SLC9D1: variants seen among roughly 807,000 people sequenced by gnomAD.
SLC9D1 encodes the protein putative LAG1-interacting protein.
chr13:113,523,050 T>G, the SLC9D1 span, among the ~76,000 whole-genome samples: 18 of 152,176 alleles, frequency 1.2e-4, no homozygotes. Flanking sequence ...CATTGCTGCC[T>G]TCAGTTTGCT....
chr13:113,540,081 A>G, the SLC9D1 span, among the ~76,000 whole-genome samples: 2 of 152,112 alleles, frequency 1.3e-5, no homozygotes, highest in Non-Finnish European at 2.9e-5. Context: ...ACATTCCCTG[A>G]TGTATATGTA....
the SLC9D1 span, among the ~76,000 whole-genome samples, chr13:113,494,804 G>A: frequency 5.7e-3 from 869 of 152,230 alleles, 11 homozygotes; most frequent in African/African-American, 0.02. Flanking sequence ...GTGACGTTGA[G>A]CATGGTGTCC....
chr13:113,503,501 T>C, the SLC9D1 span: 1 of 1,610,644 alleles, frequency 6.2e-7, no homozygotes, highest in Non-Finnish European at 8.5e-7. Flanking sequence ...TTCAGTCTAT[T>C]GTGCAAGTGG....
chr13:113,507,633 A>G, the SLC9D1 span, among the ~76,000 whole-genome samples: 3 of 152,190 alleles, frequency 2.0e-5, no homozygotes, highest in African/African-American at 7.2e-5. Flanking sequence ...TCGCTCCTCT[A>G]GCCTGACTTC....
At chr13:113,501,940 T>C in the SLC9D1 span, 3 of 1,375,564 alleles carry the variant, frequency 2.2e-6, no homozygotes, top group Non-Finnish European at 2.1e-6. Flanking sequence ...AGAGAATTCA[T>C]GAAGACTAAA....
At chr13:113,513,513 TG>T in the SLC9D1 span, among the ~76,000 whole-genome samples, 12 of 152,162 alleles carry the variant, frequency 7.9e-5, no homozygotes, top group Non-Finnish European at 5.9e-5. Context: ...GAGGGTTGCA[TG>T]TTTGGGAGGT....
chr13:113,503,407 C>G, the SLC9D1 span: 1 of 847,516 alleles, frequency 1.2e-6, no homozygotes, highest in South Asian at 1.5e-5. Context: ...GATACTTCCA[C>G]CGGGCATACT....
At chr13:113,533,832 G>A in the SLC9D1 span, among the ~76,000 whole-genome samples, 1 of 152,214 alleles carries the variant, frequency 6.6e-6, no homozygotes, top group Non-Finnish European at 1.5e-5. Context: ...AGTATTGACT[G>A]CAAACCAATG....
At chr13:113,505,595 T>C in the SLC9D1 span, 1 of 152,178 alleles carries the variant, frequency 6.6e-6, no homozygotes, top group Admixed American at 6.6e-5. Flanking sequence ...ACCGCGGCAA[T>C]GTAAAAGAAG....
At chr13:113,502,049 C>T in the SLC9D1 span, among the ~76,000 whole-genome samples, 24 of 152,300 alleles carry the variant, frequency 1.6e-4, 1 homozygote, top group South Asian at 2.9e-3. Context: ...CTCAGGAAGT[C>T]GCTGTGCCTG....
At chr13:113,546,282 C>G in the SLC9D1 span, among the ~76,000 whole-genome samples, 1 of 151,622 alleles carries the variant, frequency 6.6e-6, no homozygotes, top group Non-Finnish European at 1.5e-5. This position sits in a 1 kb window ranked among gnomAD's most constrained non-coding sequence, Gnocchi z 7.1. Flanking sequence ...CAGCTGACAG[C>G]TGGGGAGAGA....
chr13:113,499,889 T>G, the SLC9D1 span: 2 of 904,532 alleles, frequency 2.2e-6, no homozygotes, highest in African/African-American at 1.7e-5. Flanking sequence ...TTCTTCTGTT[T>G]AGCGTTCATT....
the SLC9D1 span, chr13:113,520,594 T>C: frequency 6.3e-7 from 1 of 1,580,478 alleles, no homozygotes; most frequent in African/African-American, 1.3e-5. Context: ...TAGACCTGTC[T>C]TCAATGCCTT....
the SLC9D1 span, chr13:113,534,317 A>G: frequency 6.6e-6 from 8 of 1,215,036 alleles, no homozygotes; most frequent in Non-Finnish European, 9.5e-6. Context: ...TCCATTCTTT[A>G]CCTTTCCATT....
the SLC9D1 span, among the ~76,000 whole-genome samples, chr13:113,523,212 G>A: frequency 1.3e-5 from 2 of 151,838 alleles, no homozygotes; most frequent in African/African-American, 4.8e-5. Flanking sequence ...TTATTTTCTG[G>A]AAAACATTGT....
chr13:113,513,489 T>G, the SLC9D1 span, among the ~76,000 whole-genome samples: 1 of 152,040 alleles, frequency 6.6e-6, no homozygotes, highest in Admixed American at 6.6e-5. Flanking sequence ...AAACTCTAGA[T>G]AGTAAGAAGA....
chr13:113,536,128 A>G, the SLC9D1 span, among the ~76,000 whole-genome samples: 1 of 152,368 alleles, frequency 6.6e-6, no homozygotes, highest in East Asian at 1.9e-4. Flanking sequence ...CTGTAATCGC[A>G]GCACTTTGGG....
the SLC9D1 span, chr13:113,530,750 CAG>C: frequency 1.3e-5 from 2 of 152,146 alleles, no homozygotes; most frequent in Non-Finnish European, 2.9e-5. Flanking sequence ...TAAAGCAAAA[CAG>C]ATGTTTATGC....
At chr13:113,498,433 T>C in the SLC9D1 span, 1 of 1,587,902 alleles carries the variant, frequency 6.3e-7, no homozygotes, top group Non-Finnish European at 8.5e-7. Context: ...AGTTTATCCA[T>C]GCTTGACGAG....
Sources: allele counts gnomAD v4.1 joint callset (sites outside exome capture counted in the v4.1 genomes callset), GRCh38; gene constraint gnomAD v4.1.1; non-coding constraint Gnocchi (gnomAD v3.1); transcripts MANE v1.5; gene names NCBI Gene and HGNC (gene_info 2026-07-23, HGNC 2026-07-21).